The following SPTAN1 variants were observed in gnomAD, a reference collection of about 807,000 sequenced individuals.
SPTAN1 encodes spectrin alpha chain, non-erythrocytic 1.
SPTAN1 carries 61 observed loss-of-function variants against 331.3 expected under a neutral mutation model. The observed-to-expected ratio is 0.18, with a 90% confidence interval of 0.15 to 0.23. The LOEUF is 0.23. SPTAN1 is among the 10% of genes least tolerant of loss of function. SPTAN1 has a pLI of 1.00. For synonymous variants in SPTAN1, 1,153 were observed against 1,173.9 expected (o/e 0.98, Z 0.36); for missense variants, 2,043 against 3,147.9 (o/e 0.65, Z 8.40).
chr9:128,555,437 G>A (rs1256495716), intron 1 of SPTAN1: 15 of 1,287,004 alleles, frequency 1.2e-5, no homozygotes, highest in Non-Finnish European at 1.5e-5. Context: ...TTGCCTTTTT[G>A]GTTTTGCCTG....
In SPTAN1 at chr9:128,583,277, G is replaced by A; in HGVS notation, c.2007G>A (p.Leu669=). The change falls in exon 15 of 57, where the codon CTG becomes CTA. Residue 669 remains leucine, a synonymous_variant. Coordinates refer to ENST00000372739, the MANE Select transcript of SPTAN1 (RefSeq NM_001130438.3). Reference sequence around the variant, plus strand: ...AGAAACTGCTAGAGGCCACTGAACTGAAAGGTAAGAGATGTTCCATTGAAT... The same window carrying A: ...AGAAACTGCTAGAGGCCACTGAACTAAAAGGTAAGAGATGTTCCATTGAAT... ...LWKKLLEATE[L]KGIKLREANQ... is the part of the protein sequence containing the mutation. 1 of 1,613,552 alleles carries A rather than the reference G, an allele frequency of 6.2e-7. No homozygotes were observed. The highest frequency in any genetic ancestry group is 8.5e-7 in the Non-Finnish European group (1 of 1,179,954).
In SPTAN1 at chr9:128,617,578, G is replaced by A. The variant is rs1345080070; in HGVS notation, c.5358-62G>A. 5 of 1,610,706 alleles carry A rather than the reference G, an allele frequency of 3.1e-6. No homozygotes were observed. In the African/African-American group the frequency reaches 5.3e-5, roughly 17 times the overall value. On this transcript the variant is annotated intron_variant, in intron 41 of 56. Coordinates refer to ENST00000372739, the MANE Select transcript of SPTAN1 (RefSeq NM_001130438.3). ...CTGTGAGGTCCACAGTTGACCTGAT[G>A]TCCCCACTTGAAAGCAGGGAGGTGC...
intron 31 of SPTAN1, among the ~76,000 whole-genome samples, chr9:128,606,641 G>A (rs1218995987): frequency 6.6e-6 from 1 of 151,580 alleles, no homozygotes; most frequent in African/African-American, 2.4e-5. Flanking sequence ...GCACCACCAA[G>A]CCCGGCTAAT....
At chr9:128,632,756 C>T (rs775091220) in intron 55 of SPTAN1, 38 bp downstream of exon 55, 28 of 1,614,006 alleles carry the variant, frequency 1.7e-5, no homozygotes, top group Middle Eastern at 3.3e-4. Context: ...AGCCTCTGCC[C>T]GGGGCACCCA....
intron 1 of SPTAN1, among the ~76,000 whole-genome samples, chr9:128,562,263 C>T (rs941864670): frequency 6.6e-6 from 1 of 152,106 alleles, no homozygotes; most frequent in African/African-American, 2.4e-5. Flanking sequence ...CCACCACACC[C>T]GGCTAATTTT....
At chr9:128,555,253 C>T in intron 1 of SPTAN1, 2 of 848,794 alleles carry the variant, frequency 2.4e-6, no homozygotes, top group Non-Finnish European at 3.3e-6. Flanking sequence ...GATTTTTAAT[C>T]TGTATTCATA....
Position 128,632,827 on chromosome 9 carries a change from C to G in SPTAN1, c.7180C>G (p.Gln2394Glu). 1 of 1,614,080 alleles carries G rather than the reference C, an allele frequency of 6.2e-7. No homozygotes were observed. The highest frequency in any genetic ancestry group is 8.5e-7 in the Non-Finnish European group (1 of 1,180,038). Residue 2394 changes from glutamine (Q) to glutamate (E), a missense_variant, in exon 56 of 57, where the codon CAA becomes GAA. Around this residue, in one of 12 missense-constraint regions of SPTAN1, gnomAD observed 9 missense variants for 35.8 expected, o/e 0.25. Transcript: ENST00000372739. ...DPNRDGHVSL[Q>E]EYMAFMISRE... ...TCCTAGAGATGGCCATGTCTCCTTGCAAGAATACATGGCTTTCATGATCAG... is the reference window on the plus strand; with the variant it reads ...TCCTAGAGATGGCCATGTCTCCTTGGAAGAATACATGGCTTTCATGATCAG...
chr9:128,574,583 A>G (rs531312126), intron 3 of SPTAN1, 92 bp from the exon 4 acceptor site: 22 of 1,461,960 alleles, frequency 1.5e-5, no homozygotes, highest in East Asian at 2.3e-5. Flanking sequence ...TCAGCGCTCC[A>G]TAAGGTCTCT....
chr9:128,630,850 G>A (rs1304986064), intron 52 of SPTAN1, among the ~76,000 whole-genome samples: 6 of 152,128 alleles, frequency 3.9e-5, no homozygotes, highest in African/African-American at 9.6e-5. Flanking sequence ...GATTACAGGC[G>A]CCCACCACCA....
At position 128,615,776 on chromosome 9, in the gene SPTAN1, C is replaced by G; in HGVS notation, c.5293C>G (p.Leu1765Val). The change falls in exon 41 of 57, where the codon CTG becomes GTG. Residue 1765 changes from leucine (L) to valine (V), a missense_variant. Transcript: ENST00000372739. The part of the protein sequence containing the change: ...KSMAASRRAK[L>V]NESHRLHQFF... ...CATGGCGGCCTCCCGGCGAGCCAAGCTGAATGAATCCCATCGCCTGCACCA... is the reference window on the plus strand; with the variant it reads ...CATGGCGGCCTCCCGGCGAGCCAAGGTGAATGAATCCCATCGCCTGCACCA... 1 of 1,614,240 alleles carries G rather than the reference C, an allele frequency of 6.2e-7. No homozygotes were observed.
At chr9:128,562,101 CAG>C (rs1347351548) in intron 1 of SPTAN1, among the ~76,000 whole-genome samples, 3 of 152,054 alleles carry the variant, frequency 2.0e-5, no homozygotes, top group Non-Finnish European at 2.9e-5. Context: ...GCTTTGGACT[CAG>C]AGATCTGTAT....
intron 41 of SPTAN1, among the ~76,000 whole-genome samples, chr9:128,616,666 C>G (rs1201790439): frequency 6.6e-6 from 1 of 151,738 alleles, no homozygotes; most frequent in Non-Finnish European, 1.5e-5. Flanking sequence ...GCTTGTGAGG[C>G]TGAGGCAGGA....
In SPTAN1 at chr9:128,633,633, A is replaced by AAAGAC. The variant is rs1415346930; in HGVS notation, c.*302_*306dup. 31 of 1,340,488 alleles carry AAAGAC rather than the reference A, an allele frequency of 2.3e-5. No individual in the cohort carries two copies. In the Admixed American group the frequency reaches 4.1e-4, roughly 18 times the overall value. The allele number at this position is 1,340,488 out of a possible 1,614,324, so 83.0% of individuals were successfully genotyped here. A position where few individuals can be genotyped will look rare whatever the true frequency, so the allele number is the denominator to read the frequency against. ...CCTCCCCCAAATCTGTTTTCATGTA[A>AAAGAC]AAGACAAATAAATGATGACTTCCCC... On this transcript the variant is annotated 3_prime_UTR_variant, in exon 57 of 57. Coordinates refer to ENST00000372739, the MANE Select transcript of SPTAN1 (RefSeq NM_001130438.3).
chr9:128,623,618 G>A (rs1257129401), intron 45 of SPTAN1, among the ~76,000 whole-genome samples: 1 of 142,322 alleles, frequency 7.0e-6, no homozygotes, highest in Non-Finnish European at 1.5e-5. Flanking sequence ...ACCAAACCTG[G>A]CTAATTTTTT....
In SPTAN1 at chr9:128,608,956, G is replaced by A. The variant is rs746373075; in HGVS notation, c.4574G>A (p.Arg1525Gln). The A allele has an allele frequency of 1.5e-5, 25 of 1,614,072 alleles. No individual in the cohort carries two copies. Among genetic ancestry groups the A allele is most frequent in the Middle Eastern group, 1.6e-4 (1 of 6,084 alleles). Reference sequence around the variant, plus strand: ...TATGCCAAGGGAGACATTTCTAGCCGGCGCAATGAGGTCTTGGACAGGTGG... The same window carrying A: ...TATGCCAAGGGAGACATTTCTAGCCAGCGCAATGAGGTCTTGGACAGGTGG... ...GHYAKGDISS[R>Q]RNEVLDRWRR... The change falls in exon 35 of 57, where the codon CGG becomes CAG. Residue 1525 changes from arginine to glutamine, a missense_variant. Physicochemically the swap from Arg to Gln is conservative, Grantham distance 43. Coordinates refer to ENST00000372739, the MANE Select transcript of SPTAN1 (RefSeq NM_001130438.3).
intron 23 of SPTAN1, 56 bp from the exon 24 acceptor site, chr9:128,594,119 C>A: frequency 6.3e-7 from 1 of 1,575,404 alleles, no homozygotes; most frequent in Non-Finnish European, 8.7e-7. Context: ...TTTATGTTAG[C>A]ATCTACAGCT....
intron 1 of SPTAN1, among the ~76,000 whole-genome samples, chr9:128,559,487 C>T (rs968652490): frequency 2.0e-5 from 3 of 152,208 alleles, no homozygotes; most frequent in Admixed American, 6.5e-5. Context: ...CAGCACCATA[C>T]ACTCGAATCC....
intron 9 of SPTAN1, among the ~76,000 whole-genome samples, chr9:128,578,837 A>G (rs1589194814): frequency 1.5e-3 from 1 of 656 alleles, no homozygotes; most frequent in African/African-American, 2.0e-3. Context: ...GTCTCAAAGA[A>G]AAAAAAAAAA....
chr9:128,585,357 G>A (rs751921459), intron 18 of SPTAN1, among the ~76,000 whole-genome samples: 22 of 152,068 alleles, frequency 1.4e-4, no homozygotes, highest in Admixed American at 2.6e-4. Flanking sequence ...TCTGTGAAAC[G>A]GGGATGACAG....
Sources: allele counts gnomAD v4.1 joint callset (sites outside exome capture counted in the v4.1 genomes callset), GRCh38; gene constraint gnomAD v4.1.1; regional missense constraint gnomAD v4.1.1; transcripts MANE v1.5; gene names NCBI Gene and HGNC (gene_info 2026-07-23, HGNC 2026-07-21).